The following CATSPER2 variants were observed in gnomAD, a reference collection of about 807,000 sequenced individuals.
CATSPER2 encodes cation channel sperm associated 2, also known as cation channel sperm-associated protein 2.
In CATSPER2, 56 loss-of-function variants were observed where a neutral mutation model predicts 68.8. The observed-to-expected ratio is 0.81, with a 90% confidence interval of 0.66 to 1.02. CATSPER2 has a LOEUF of 1.02. Among genes scored for constraint, CATSPER2 ranks in the 50% least tolerant of loss-of-function variants. The pLI is 0.00. For missense variants in CATSPER2, 582 were observed against 642.0 expected (o/e 0.91, Z 1.01); for synonymous variants, 198 against 229.9 (o/e 0.86, Z 1.26).
chr15:43,637,069 T>C (rs576508676), intron 7 of CATSPER2, among the ~76,000 whole-genome samples: 2 of 151,720 alleles, frequency 1.3e-5, no homozygotes, highest in Admixed American at 1.3e-4. Context: ...GTGATCTGCC[T>C]GCCTCAGCCT....
rs746026937 is a variant in CATSPER2 at position 43,635,823 on chromosome 15, G to A, written c.1025C>T (p.Thr342Ile). The change falls in exon 9 of 13, where the codon ACT becomes ATT. Residue 342 changes from threonine to isoleucine, a missense_variant. By Grantham distance (89) the Thr-to-Ile change is moderately conservative. Around this residue, in one of 5 missense-constraint regions of CATSPER2, gnomAD observed 235 missense variants for 264.2 expected, o/e 0.89. Transcript: ENST00000396879. ...FRSIIVAMMV[T>I]NFQNIRKELN... is the part of the protein sequence containing the mutation. ...CTCTTTCCTGATATTCTGAAAGTTA[G>A]TAACTGCCCCAAAGGGCCATTAGGA... The A allele has an allele frequency of 3.7e-6, 6 of 1,612,972 alleles. No homozygotes were observed. The highest frequency in any genetic ancestry group is 3.3e-5 in the South Asian group (3 of 90,994).
At position 43,635,376 on chromosome 15, in the gene CATSPER2, T is replaced by C; in HGVS notation, c.1162A>G (p.Ser388Gly). 10 of 1,610,448 alleles carry C rather than the reference T, an allele frequency of 6.2e-6. No homozygotes were observed. The highest frequency in any genetic ancestry group is 8.5e-6 in the Non-Finnish European group (10 of 1,179,016). ...ACTCCTAACCTGTCCTCTATTTTGC[T>C]ATGGCTTGACGTCAGTGCTTCATGT... ...MSHEALTSSHSKIEDSSRGAS... is the reference protein window; with the variant it reads ...MSHEALTSSHGKIEDSSRGAS... Residue 388 changes from serine to glycine, a missense_variant, in exon 10 of 13, where the codon AGC becomes GGC. Transcript: ENST00000396879.
intron 10 of CATSPER2, chr15:43,635,104 C>G (rs542646780): frequency 1.8e-6 from 1 of 543,326 alleles, no homozygotes; most frequent in African/African-American, 1.9e-5. Context: ...GGATTTAGGA[C>G]CTACCTGGAT....
At position 43,630,611 on chromosome 15, in the gene CATSPER2, T is replaced by C; in HGVS notation, c.*90A>G. ...ATTTTAATGAACAGACATTGTTCTA[T>C]CTGAATGTTTATATTTTCAATTCTC... On this transcript the variant is annotated 3_prime_UTR_variant, in exon 13 of 13. Transcript: ENST00000396879. The C allele has an allele frequency of 5.0e-6, 8 of 1,607,992 alleles. No individual in the cohort carries two copies. Among genetic ancestry groups the C allele is most frequent in the Non-Finnish European group, 6.8e-6 (8 of 1,177,314 alleles).
At chr15:43,643,580 G>C (rs554898795) in intron 4 of CATSPER2, among the ~76,000 whole-genome samples, 2 of 151,566 alleles carry the variant, frequency 1.3e-5, no homozygotes, top group Non-Finnish European at 2.9e-5. Flanking sequence ...CAAGTGATCC[G>C]CAGGACTAGG....
chr15:43,636,451 C>T (rs1172461377), intron 7 of CATSPER2, among the ~76,000 whole-genome samples: 3 of 151,714 alleles, frequency 2.0e-5, no homozygotes, highest in Admixed American at 1.3e-4. Context: ...AGTGCAGTGG[C>T]GCGATCTAGG....
chr15:43,639,553 C>T, intron 6 of CATSPER2, 90 bp downstream of exon 6: 1 of 1,601,720 alleles, frequency 6.2e-7, no homozygotes, highest in Non-Finnish European at 8.5e-7. Flanking sequence ...GCGTGAGCCA[C>T]CGCACCCGGC....
At chr15:43,636,346 A>G (rs369476678) in intron 7 of CATSPER2, 127 bp from the exon 8 acceptor site, 1 of 1,300,978 alleles carries the variant, frequency 7.7e-7, no homozygotes, top group Non-Finnish European at 1.1e-6. Flanking sequence ...CTCCTTTTCT[A>G]CCATACTCAG....
At chr15:43,639,985 A>G in intron 5 of CATSPER2, 187 bp from the exon 6 acceptor site, 1 of 1,457,114 alleles carries the variant, frequency 6.9e-7, no homozygotes, top group Non-Finnish European at 9.1e-7. Flanking sequence ...ACTTGTTCAG[A>G]TATAAAAAGG....
At chr15:43,635,199 G>A (rs918376091) in intron 10 of CATSPER2, 161 bp downstream of exon 10, 5 of 740,468 alleles carry the variant, frequency 6.8e-6, no homozygotes, top group Non-Finnish European at 7.3e-6. Flanking sequence ...GTTCCAGGGA[G>A]CAAAGACATG....
rs563823932 is a variant in CATSPER2 at position 43,639,841 on chromosome 15, C to T, written c.562-43G>A. On this transcript the variant is annotated intron_variant, in intron 5 of 12. Transcript: ENST00000396879. The stretch of plus-strand genomic sequence containing the variant: ...GTTATAAGTAAAATACACCCCAAGG[C>T]ACCCAGGCAGAATTGCAGCTTCTTC... 3 of 1,607,890 alleles carry T rather than the reference C, an allele frequency of 1.9e-6. No individual in the cohort carries two copies. The East Asian group carries it at 6.7e-5, about 36-fold the overall frequency.
chr15:43,636,324 T>C (rs1275182540), intron 7 of CATSPER2, 105 bp from the exon 8 acceptor site: 1 of 1,487,816 alleles, frequency 6.7e-7, no homozygotes, highest in African/African-American at 1.4e-5. Flanking sequence ...TTGTAGTTTG[T>C]TCTGATTTTG....
intron 5 of CATSPER2, chr15:43,640,075 C>T: frequency 6.9e-7 from 1 of 1,440,524 alleles, no homozygotes; most frequent in African/African-American, 1.4e-5. Flanking sequence ...TAAAATAATG[C>T]TTGGCACTTA....
rs1316325919 is a variant in CATSPER2 at position 43,639,487 on chromosome 15, G to A, written c.717+156C>T. ...TCACCATGTTGGTCAGGCTGGTCTC[G>A]AACTCCTGACCTCATGACCCATCCC... On this transcript the variant is annotated intron_variant, in intron 6 of 12. Transcript: ENST00000396879. 4.4e-5 allele frequency: 45 copies of A among 1,025,934 alleles called. 1 individual carries two copies. Among genetic ancestry groups the A allele is most frequent in the South Asian group, 1.0e-4 (8 of 76,732 alleles). The allele number at this position is 1,025,934 out of a possible 1,614,324, so 63.6% of individuals were successfully genotyped here. A position where few individuals can be genotyped will look rare whatever the true frequency, so the allele number is the denominator to read the frequency against.
In CATSPER2 at chr15:43,632,424, G is replaced by C. The variant is rs1425868836; in HGVS notation, c.1397-61C>G. ...ATTTGTAAAAGTTGGGTAAGAGCTG[G>C]TAAATCCTATGGTGTGGGTGGAAAG... is the stretch of plus-strand genomic sequence containing the variant. On this transcript the variant is annotated intron_variant, in intron 11 of 12. Transcript: ENST00000396879. 2.5e-6 allele frequency: 4 copies of C among 1,593,992 alleles called. 1 individual carries two copies. In the African/African-American group the frequency reaches 4.0e-5, roughly 16 times the overall value.
In CATSPER2 at chr15:43,635,756, A is replaced by T. The variant is rs1355765774; in HGVS notation, c.1092T>A (p.Ala364=). 4.3e-6 allele frequency: 7 copies of T among 1,613,432 alleles called. No homozygotes were observed. The highest frequency in any genetic ancestry group is 1.3e-5 in the African/African-American group (1 of 74,842). ...EMARREVQLK[A]DMFKRQIIQR... is the part of the protein sequence containing the mutation. ...GGATGATCTGCCGCTTGAACATGTC[A>T]GCTTTGAGCTGAACCTCCCGACGCG... Residue 364 remains alanine (A), a synonymous_variant, in exon 9 of 13, where the codon GCT becomes GCA. Coordinates refer to ENST00000396879, the MANE Select transcript of CATSPER2 (RefSeq NM_172095.4).
Position 43,647,037 on chromosome 15 carries a change from G to A in CATSPER2, c.388+13C>T. On this transcript the variant is annotated intron_variant, in intron 4 of 12. Coordinates refer to ENST00000396879, the MANE Select transcript of CATSPER2 (RefSeq NM_172095.4). ...CGGCCTCACTTCCTCTTTCATACAA[G>A]GTCAGTTCTCACCTATTTCAACCAT... is the stretch of plus-strand genomic sequence containing the variant. 1 of 1,606,366 alleles carries A rather than the reference G, an allele frequency of 6.2e-7. No individual in the cohort carries two copies. The highest frequency in any genetic ancestry group is 1.1e-5 in the South Asian group (1 of 90,890).
chr15:43,640,235 C>T (rs1037177370), intron 5 of CATSPER2, 89 bp downstream of exon 5: 1 of 1,584,314 alleles, frequency 6.3e-7, no homozygotes, highest in East Asian at 2.3e-5. Context: ...ATTTTTGTTT[C>T]TTCCTATTAT....
chr15:43,640,191 A>G, intron 5 of CATSPER2, 133 bp downstream of exon 5: 1 of 1,574,732 alleles, frequency 6.4e-7, no homozygotes, highest in East Asian at 2.3e-5. Flanking sequence ...GTTTAGTTTT[A>G]GGGAAAAAAA....
Sources: allele counts gnomAD v4.1 joint callset (sites outside exome capture counted in the v4.1 genomes callset), GRCh38; gene constraint gnomAD v4.1.1; regional missense constraint gnomAD v4.1.1; transcripts MANE v1.5; gene names NCBI Gene and HGNC (gene_info 2026-07-23, HGNC 2026-07-21).